Variants in NADSYN1 observed in about 807,000 individuals in gnomAD.
NADSYN1 encodes the protein glutamine-dependent NAD(+) synthetase.
In NADSYN1, 80 loss-of-function variants were observed where a neutral mutation model predicts 99.3. The ratio of observed to expected loss-of-function variants is 0.81; its 90% CI spans 0.67 to 0.97. The LOEUF is 0.97. NADSYN1 is among the 50% of genes least tolerant of loss of function. The pLI, the probability that NADSYN1 is intolerant of heterozygous loss-of-function variation, is 0.00. For missense variants in NADSYN1, 859 were observed against 948.5 expected, an observed-to-expected ratio of 0.91 and a Z score of 1.24; for synonymous variants, 385 against 372.1, an observed-to-expected ratio of 1.03 and a Z score of -0.40.
At chr11:71,491,780 G>A in intron 17 of NADSYN1, 54 bp from the exon 18 acceptor site, 1 of 1,544,582 alleles carries the variant, frequency 6.5e-7, no homozygotes, top group Non-Finnish European at 8.9e-7. Context: ...CTCTCCCAGA[G>A]CTCACACCAC....
chr11:71,486,217 T>G (rs1949741869), intron 16 of NADSYN1, among the ~76,000 whole-genome samples: 1 of 152,248 alleles, frequency 6.6e-6, no homozygotes, highest in Non-Finnish European at 1.5e-5. Context: ...CTGTTCTTAG[T>G]TGCTCCTTAG....
intron 20 of NADSYN1, chr11:71,498,742 A>G: frequency 2.1e-6 from 1 of 484,296 alleles, no homozygotes; most frequent in Non-Finnish European, 3.7e-6. Context: ...GGTGTCCAAC[A>G]TGACATTTCG....
At chr11:71,490,523 G>A (rs577990967) in intron 16 of NADSYN1, among the ~76,000 whole-genome samples, 1 of 152,230 alleles carries the variant, frequency 6.6e-6, no homozygotes, top group East Asian at 1.9e-4. Context: ...GAGTGTCCAC[G>A]TGTGTCCAGT....
chr11:71,453,872 G>C (rs1949496654), intron 1 of NADSYN1, among the ~76,000 whole-genome samples: 1 of 152,166 alleles, frequency 6.6e-6, no homozygotes, highest in South Asian at 2.1e-4. Context: ...GGGGGCCGGA[G>C]GGGGTGGAAG....
chr11:71,481,986 T>TC lies in NADSYN1; in HGVS notation c.1113dup (p.Met372HisfsTer14). 1 of 1,612,388 alleles carries TC rather than the reference T, an allele frequency of 6.2e-7. No individual in the cohort carries two copies. ...CGCAGCCACCGCCTGCCTCATCTAC[T>TC]CCATGTGCTGCCAGGTCTGCGAGGC... is the stretch of plus-strand genomic sequence containing the variant. On this transcript the variant is annotated frameshift_variant, in exon 13 of 21. Coordinates refer to ENST00000319023, the MANE Select transcript of NADSYN1 (RefSeq NM_018161.5). LOFTEE classifies it high-confidence loss of function.
intron 5 of NADSYN1, among the ~76,000 whole-genome samples, 191 bp from the exon 6 acceptor site, chr11:71,472,258 C>T (rs1949631831): frequency 6.6e-6 from 1 of 152,220 alleles, no homozygotes; most frequent in Admixed American, 6.5e-5. Flanking sequence ...ACATAGTCTC[C>T]TCAAGCCACC....
intron 17 of NADSYN1, among the ~76,000 whole-genome samples, chr11:71,491,577 G>A (rs1378409687): frequency 6.6e-6 from 1 of 152,162 alleles, no homozygotes; most frequent in Non-Finnish European, 1.5e-5. Flanking sequence ...GGTGCCCAGT[G>A]GACTGGCCCT....
At position 71,485,529 on chromosome 11, in the gene NADSYN1, T is replaced by C. The variant is rs772273460; in HGVS notation, c.1456-13T>C. ...GCAAGGGAACCCGTTATTTCCTCTG[T>C]TGTGTTTTCCAGGCTCGAATACGGA... On this transcript the variant is annotated splice_polypyrimidine_tract_variant and intron_variant, in intron 15 of 20. Transcript: ENST00000319023. 28 of 1,545,062 alleles carry C rather than the reference T, an allele frequency of 1.8e-5. No homozygotes were observed. The African/African-American group carries it at 3.6e-4, about 20-fold the overall frequency.
At chr11:71,466,734 G>C (rs1949593723) in intron 5 of NADSYN1, 1 of 152,268 alleles carries the variant, frequency 6.6e-6, no homozygotes, top group African/African-American at 2.4e-5. Context: ...GGCAGTTCCA[G>C]AACCGGAATG....
intron 5 of NADSYN1, among the ~76,000 whole-genome samples, chr11:71,468,550 G>GA (rs527463920): frequency 7.4e-4 from 113 of 152,170 alleles, no homozygotes; most frequent in African/African-American, 2.6e-3. Flanking sequence ...GACTAAAAAG[G>GA]AAAAAATGAA....
chr11:71,467,352 G>A (rs57990658), intron 5 of NADSYN1, among the ~76,000 whole-genome samples: 6,063 of 152,136 alleles, frequency 0.04, 401 homozygotes, highest in African/African-American at 0.14. Context: ...AGGCTGCTCC[G>A]AATTTCTAGA....
chr11:71,482,710 G>A, intron 13 of NADSYN1, 139 bp from the exon 14 acceptor site: 1 of 798,256 alleles, frequency 1.3e-6, no homozygotes, highest in South Asian at 1.7e-5. Flanking sequence ...TGTAGACCGG[G>A]GTGGAGCCGC....
chr11:71,495,595 T>C (rs1054741468), intron 18 of NADSYN1, among the ~76,000 whole-genome samples: 2 of 152,262 alleles, frequency 1.3e-5, no homozygotes, highest in Middle Eastern at 3.2e-3. Flanking sequence ...TTAGTTGTTC[T>C]GTCCATTATT....
At chr11:71,463,381 C>CT (rs750974781) in intron 3 of NADSYN1, 51 bp from the exon 4 acceptor site, 1 of 1,527,608 alleles carries the variant, frequency 6.5e-7, no homozygotes, top group Non-Finnish European at 9.1e-7. Context: ...TCCATGTGCT[C>CT]TGTGTTTCAT....
intron 3 of NADSYN1, among the ~76,000 whole-genome samples, chr11:71,462,787 G>A (rs1379286886): frequency 6.6e-6 from 1 of 152,160 alleles, no homozygotes; most frequent in Non-Finnish European, 1.5e-5. Context: ...CTTCGACACT[G>A]TGTCCTCTCA....
At chr11:71,461,468 G>A (rs556785543) in intron 3 of NADSYN1, among the ~76,000 whole-genome samples, 4 of 152,054 alleles carry the variant, frequency 2.6e-5, no homozygotes, top group South Asian at 2.1e-4. Context: ...TCACTCTGTC[G>A]CACAGGCTGG....
chr11:71,497,950 A>G lies in NADSYN1; in HGVS notation c.1893+339A>G, dbSNP rs2298774. ...TGAAGCCCACAAGCATTGTAGTCCA[A>G]TGGAACCTCCTGGAAGCCTTGTGAA... On this transcript the variant is annotated intron_variant, in intron 19 of 20. Coordinates refer to ENST00000319023, the MANE Select transcript of NADSYN1 (RefSeq NM_018161.5). Among the ~76,000 whole-genome samples, 429 of 152,284 alleles carry G rather than the reference A, an allele frequency of 2.8e-3. 1 individual carries two copies. The highest frequency in any genetic ancestry group is 8.1e-3 in the African/African-American group (336 of 41,554).
chr11:71,485,756 G>A, intron 16 of NADSYN1, 108 bp downstream of exon 16: 1 of 821,092 alleles, frequency 1.2e-6, no homozygotes. Flanking sequence ...GGCGGGTTTG[G>A]TGCCTGGAAT....
At position 71,485,468 on chromosome 11, in the gene NADSYN1, A is replaced by G. The variant is rs147226650; in HGVS notation, c.1456-74A>G. ...AGCTATTTTAATTTTCTTGTTTTCA[A>G]GAGTTTGTGGGTGTGCGTCTCCCCC... is the stretch of plus-strand genomic sequence containing the variant. On this transcript the variant is annotated intron_variant, in intron 15 of 20. Coordinates refer to ENST00000319023, the MANE Select transcript of NADSYN1 (RefSeq NM_018161.5). 7.1e-4 allele frequency: 818 copies of G among 1,156,468 alleles called. 2 individuals are homozygous for G. The highest frequency in any genetic ancestry group is 9.4e-4 in the Non-Finnish European group (774 of 822,078). The allele number at this position is 1,156,468 out of a possible 1,614,324, so 71.6% of individuals were successfully genotyped here.
Sources: gnomAD v4.1 joint callset for allele counts (sites outside exome capture counted in the v4.1 genomes callset) on GRCh38, gnomAD v4.1.1 for gene constraint, MANE v1.5 for transcripts, NCBI Gene and HGNC (gene_info 2026-07-23, HGNC 2026-07-21) for gene names.